MBD5: variants seen among roughly 807,000 people sequenced by gnomAD.
MBD5 encodes the protein methyl-CpG binding domain protein 5.
Under a neutral mutation model 117.3 loss-of-function variants are expected in MBD5, and 13 were observed. That is an observed-to-expected ratio of 0.11 (90% CI 0.07 to 0.18). The LOEUF is 0.18. Among genes scored for constraint, MBD5 ranks in the 10% least tolerant of loss-of-function variants. MBD5 has a pLI of 1.00. For missense variants in MBD5, 1,879 were observed against 2,093.8 expected (o/e 0.90, Z 2.00); for synonymous variants, 727 against 766.4 (o/e 0.95, Z 0.85).
At chr2:148,377,406 G>A (rs1244805950) in intron 4 of MBD5, among the ~76,000 whole-genome samples, 2 of 152,148 alleles carry the variant, frequency 1.3e-5, no homozygotes, top group African/African-American at 4.8e-5. Context: ...GACACACCCA[G>A]AATGAATACT....
At chr2:148,307,056 G>A (rs1405366209) in intron 3 of MBD5, among the ~76,000 whole-genome samples, 1 of 152,094 alleles carries the variant, frequency 6.6e-6, no homozygotes, top group African/African-American at 2.4e-5. Context: ...GGGGAACTTT[G>A]TCAAAAATGT....
chr2:148,051,946 G>T (rs533266018), intron 1 of MBD5, among the ~76,000 whole-genome samples: 2 of 151,668 alleles, frequency 1.3e-5, no homozygotes, highest in Non-Finnish European at 2.9e-5. Context: ...TTCTTGAATG[G>T]TAGAATTCGC....
At chr2:148,237,543 C>G (rs1051185454) in intron 3 of MBD5, among the ~76,000 whole-genome samples, 13 of 152,148 alleles carry the variant, frequency 8.5e-5, no homozygotes, top group Admixed American at 4.6e-4. Flanking sequence ...GTTAAGTGTG[C>G]TCTCTTATGT....
intron 4 of MBD5, among the ~76,000 whole-genome samples, chr2:148,413,209 T>C (rs953511633): frequency 6.6e-6 from 1 of 152,188 alleles, no homozygotes; most frequent in South Asian, 2.1e-4. Context: ...ATTCTGCGTC[T>C]ATTAAGATGA....
chr2:148,324,242 G>A (rs1702378497), intron 3 of MBD5, among the ~76,000 whole-genome samples: 1 of 152,066 alleles, frequency 6.6e-6, no homozygotes, highest in Admixed American at 6.6e-5. Context: ...TTTGGTTACT[G>A]TAGCCTTGTA....
At chr2:148,270,916 G>T (rs938174704) in intron 3 of MBD5, among the ~76,000 whole-genome samples, 1 of 151,948 alleles carries the variant, frequency 6.6e-6, no homozygotes, top group African/African-American at 2.4e-5. Context: ...TCCACAAACA[G>T]ATAGCCCTTT....
At chr2:148,149,792 T>C (rs1375998504) in intron 1 of MBD5, among the ~76,000 whole-genome samples, 8 of 151,856 alleles carry the variant, frequency 5.3e-5, no homozygotes, top group Admixed American at 2.0e-4. Flanking sequence ...GGGTTGTTTG[T>C]TTTTTTCTTG....
intron 1 of MBD5, among the ~76,000 whole-genome samples, chr2:148,143,110 G>C (rs1697358273): frequency 6.6e-6 from 1 of 152,314 alleles, no homozygotes; most frequent in Non-Finnish European, 1.5e-5. Flanking sequence ...AAATTGTTAA[G>C]TGAAGAAGTA....
intron 4 of MBD5, among the ~76,000 whole-genome samples, chr2:148,355,453 T>C (rs1703357523): frequency 6.6e-6 from 1 of 152,156 alleles, no homozygotes; most frequent in Non-Finnish European, 1.5e-5. Flanking sequence ...GAGTTCATTT[T>C]TGTATAAGGT....
At chr2:148,463,335 A>T (rs1707155332) in intron 6 of MBD5, among the ~76,000 whole-genome samples, 2 of 152,190 alleles carry the variant, frequency 1.3e-5, no homozygotes, top group Non-Finnish European at 2.9e-5. Flanking sequence ...CAGTGACAAG[A>T]TAATATTAAC....
intron 2 of MBD5, among the ~76,000 whole-genome samples, chr2:148,227,841 G>A (rs1292604593): frequency 6.6e-6 from 1 of 152,172 alleles, no homozygotes; most frequent in Non-Finnish European, 1.5e-5. Context: ...TCCCTTGTAA[G>A]TTGGATTCCT....
intron 1 of MBD5, among the ~76,000 whole-genome samples, chr2:148,023,922 A>C (rs1293217368): frequency 6.6e-6 from 1 of 152,066 alleles, no homozygotes; most frequent in Non-Finnish European, 1.5e-5. Flanking sequence ...TAGGATTGTA[A>C]TTGTTCAACT....
chr2:148,337,202 T>C (rs1702820316), intron 3 of MBD5, among the ~76,000 whole-genome samples: 1 of 152,226 alleles, frequency 6.6e-6, no homozygotes, highest in African/African-American at 2.4e-5. Flanking sequence ...CTTATTTATT[T>C]GCATGAGAAA....
intron 3 of MBD5, among the ~76,000 whole-genome samples, chr2:148,257,709 A>T (rs755911188): frequency 4.6e-5 from 7 of 152,204 alleles, no homozygotes; most frequent in Non-Finnish European, 1.0e-4. Context: ...TGGCAACTAG[A>T]CCATGACATA....
Position 148,458,719 on chromosome 2 carries a change from A to G in MBD5, c.-40A>G. 2.7e-6 allele frequency: 4 copies of G among 1,496,550 alleles called. No individual in the cohort carries two copies. Among genetic ancestry groups the G allele is most frequent in the Non-Finnish European group, 3.7e-6 (4 of 1,072,960 alleles). 92.7% of individuals were successfully genotyped at this position (1,496,550 alleles called of 1,614,324 possible). A position where few individuals can be genotyped will look rare whatever the true frequency, so the allele number is the denominator to read the frequency against. Reference sequence around the variant, plus strand: ...CTCTGTAATATAAGGATATCATCTTATTGCTGATATCTTTGGAGAGTCCCT... The same window carrying G: ...CTCTGTAATATAAGGATATCATCTTGTTGCTGATATCTTTGGAGAGTCCCT... On this transcript the variant is annotated 5_prime_UTR_variant, in exon 5 of 14. Coordinates refer to ENST00000642680, the MANE Select transcript of MBD5 (RefSeq NM_001378120.1).
chr2:148,120,358 G>A (rs7602932), intron 1 of MBD5, among the ~76,000 whole-genome samples: 133,234 of 152,184 alleles, frequency 0.88, 58,413 homozygotes, highest in Admixed American at 0.9. Flanking sequence ...TAGGGATTGC[G>A]TTGAATATGT....
chr2:148,362,330 G>A (rs1703564946), intron 4 of MBD5, among the ~76,000 whole-genome samples: 2 of 152,184 alleles, frequency 1.3e-5, no homozygotes, highest in East Asian at 3.9e-4. Context: ...TGAGGCTTCA[G>A]TAGGCGATTT....
intron 4 of MBD5, among the ~76,000 whole-genome samples, chr2:148,392,676 C>G (rs1229022154): frequency 1.3e-5 from 2 of 152,130 alleles, no homozygotes; most frequent in African/African-American, 2.4e-5. Context: ...CCAATGAGAG[C>G]CAGCCTCAGC....
intron 1 of MBD5, among the ~76,000 whole-genome samples, chr2:148,091,951 TCAAA>T (rs1253152131): frequency 2.0e-5 from 3 of 151,990 alleles, no homozygotes; most frequent in East Asian, 1.9e-4. Context: ...TACAAGGAAC[TCAAA>T]CAAATCATCA....
Sources: gnomAD v4.1 joint callset for allele counts (sites outside exome capture counted in the v4.1 genomes callset) on GRCh38, gnomAD v4.1.1 for gene constraint, MANE v1.5 for transcripts, NCBI Gene and HGNC (gene_info 2026-07-23, HGNC 2026-07-21) for gene names.